The following ITPR1 variants were observed in gnomAD, a reference collection of about 807,000 sequenced individuals.
ITPR1 encodes the protein inositol 1,4,5-trisphosphate receptor type 1, also known as inositol 1,4,5-trisphosphate-gated calcium channel ITPR1.
In ITPR1, 96 loss-of-function variants were observed where a neutral mutation model predicts 318.4. The ratio of observed to expected loss-of-function variants is 0.30; its 90% CI spans 0.26 to 0.36. The LOEUF (loss-of-function observed/expected upper bound fraction) is 0.36. Among genes scored for constraint, ITPR1 ranks in the 10% least tolerant of loss-of-function variants. The pLI is 1.00. For synonymous variants in ITPR1, 1,312 were observed against 1,289.9 expected (o/e 1.02, Z -0.37); for missense variants, 2,440 against 3,460.2 (o/e 0.71, Z 7.40).
chr3:4,768,610 C>T lies in ITPR1; in HGVS notation c.5825C>T (p.Ala1942Val), dbSNP rs762273738. The T allele has an allele frequency of 1.4e-5, 23 of 1,614,030 alleles. No individual in the cohort carries two copies. Among genetic ancestry groups the T allele is most frequent in the East Asian group, 2.2e-5 (1 of 44,882 alleles). The change falls in exon 46 of 62, where the codon GCT becomes GTT. Residue 1942 changes from alanine (A) to valine (V), a missense_variant. Coordinates refer to ENST00000649015, the MANE Select transcript of ITPR1 (RefSeq NM_001378452.1). ...GCCTTCACCACTTTCAGGAGGGAGG[C>T]TGATCCCGACGACCACTACCAGCCT... ...RKAFTTFRRE[A>V]DPDDHYQPGE...
At chr3:4,640,398 A>G (rs2093310001) in intron 6 of ITPR1, among the ~76,000 whole-genome samples, 1 of 152,128 alleles carries the variant, frequency 6.6e-6, no homozygotes, top group Non-Finnish European at 1.5e-5. Context: ...AATCTGCTTG[A>G]AGATTAGATC....
rs6442897 is a variant in ITPR1 at position 4,652,384 on chromosome 3, C to G, written c.951+166C>G. ...CCTTCTGATTCATTTTCCTAGAAGA[C>G]TCAAAAATGATTACCACATTTTGGT... On this transcript the variant is annotated intron_variant, in intron 11 of 61. Transcript: ENST00000649015. 0.81 allele frequency among the ~76,000 whole-genome samples: 123,912 copies of G among 152,214 alleles called. 51,193 individuals carry two copies. Among genetic ancestry groups the G allele is most frequent in the East Asian group, 1 (5,180 of 5,182 alleles).
intron 4 of ITPR1, among the ~76,000 whole-genome samples, chr3:4,582,909 G>T (rs1247040796): frequency 6.6e-6 from 1 of 152,170 alleles, no homozygotes; most frequent in Non-Finnish European, 1.5e-5. Context: ...TGGGCTGGTG[G>T]CACGTTGTCT....
intron 24 of ITPR1, 82 bp from the exon 25 acceptor site, chr3:4,680,471 C>A: frequency 7.9e-7 from 1 of 1,265,180 alleles, no homozygotes; most frequent in African/African-American, 1.5e-5. Flanking sequence ...ATACCAGGCC[C>A]CGCCAGTGTG....
In ITPR1 at chr3:4,800,448, G is replaced by T; in HGVS notation, c.6955G>T (p.Gly2319Ter). The T allele has an allele frequency of 6.2e-7, 1 of 1,613,890 alleles. No individual in the cohort carries two copies. Among genetic ancestry groups the T allele is most frequent in the Non-Finnish European group, 8.5e-7 (1 of 1,179,862 alleles). Residue 2319 changes from glycine to a stop codon, truncating the protein, a stop_gained, in exon 54 of 62, where the codon GGA becomes TGA. Coordinates refer to ENST00000649015, the MANE Select transcript of ITPR1 (RefSeq NM_001378452.1). LOFTEE classifies it high-confidence loss of function. Reference sequence around the variant, plus strand: ...AGGAACCCTGGAGCCCCACTGGTCGGGACTCCTGTGGACAGCCATGCTCAT... The same window carrying T: ...AGGAACCCTGGAGCCCCACTGGTCGTGACTCCTGTGGACAGCCATGCTCAT... ...RGGTLEPHWS[G>*]LLWTAMLISL... is the part of the protein sequence containing the mutation.
Position 4,633,150 on chromosome 3 carries a change from A to G in ITPR1, c.279+5272A>G, listed in dbSNP as rs111229412. 9.6e-3 allele frequency among the ~76,000 whole-genome samples: 1,456 copies of G among 151,880 alleles called. 25 individuals carry two copies. The highest frequency in any genetic ancestry group is 0.033 in the African/African-American group (1,378 of 41,420). ...ACGAGGTTTCACCATTTTGGCCAGG[A>G]TGGTCTCGATCTCCTGAACTCATGA... is the stretch of plus-strand genomic sequence containing the variant. On this transcript the variant is annotated intron_variant, in intron 5 of 61. Coordinates refer to ENST00000649015, the MANE Select transcript of ITPR1 (RefSeq NM_001378452.1).
chr3:4,538,707 T>TA (rs2084109905), intron 4 of ITPR1, among the ~76,000 whole-genome samples: 1 of 152,192 alleles, frequency 6.6e-6, no homozygotes, highest in South Asian at 2.1e-4. Context: ...CATGGAATAC[T>TA]ATGCAGCTAT....
At chr3:4,827,781 G>T (rs776053822) in intron 60 of ITPR1, among the ~76,000 whole-genome samples, 2 of 152,200 alleles carry the variant, frequency 1.3e-5, no homozygotes, top group Non-Finnish European at 2.9e-5. Context: ...CAAGGGGCTG[G>T]TTAGAAAAGG....
intron 60 of ITPR1, among the ~76,000 whole-genome samples, chr3:4,825,080 C>T (rs2049986912): frequency 2.0e-5 from 3 of 152,256 alleles, no homozygotes; most frequent in Non-Finnish European, 4.4e-5. Flanking sequence ...ACTTTAACTC[C>T]CTAATAATTA....
chr3:4,497,519 T>A (rs1286539972), intron 2 of ITPR1, among the ~76,000 whole-genome samples: 1 of 151,984 alleles, frequency 6.6e-6, no homozygotes, highest in African/African-American at 2.4e-5. Flanking sequence ...GTATTAGAGG[T>A]AGTAAAAGCT....
intron 45 of ITPR1, 42 bp from the exon 46 acceptor site, chr3:4,768,469 T>C (rs779690265): frequency 1.3e-6 from 2 of 1,562,456 alleles, no homozygotes; most frequent in African/African-American, 2.7e-5. Context: ...ATAGGGCCCA[T>C]GAGGACTCTG....
rs1298893757 is a variant in ITPR1 at position 4,766,512 on chromosome 3, A to G, written c.5545-18A>G. On this transcript the variant is annotated intron_variant, in intron 44 of 61. Coordinates refer to ENST00000649015, the MANE Select transcript of ITPR1 (RefSeq NM_001378452.1). ...TGGTCAGTTACAGTGTTCACAATCT[A>G]TGGATTTTCCTTTGCAGCACTCCTT... The G allele has an allele frequency of 3.7e-6, 6 of 1,611,600 alleles. No individual in the cohort carries two copies. Among genetic ancestry groups the G allele is most frequent in the African/African-American group, 1.3e-5 (1 of 74,870 alleles).
intron 47 of ITPR1, among the ~76,000 whole-genome samples, chr3:4,776,701 C>G (rs1368678848): frequency 6.6e-6 from 1 of 152,184 alleles, no homozygotes. Context: ...TATTTGACAT[C>G]TAAGTGAATT....
At chr3:4,521,209 T>G (rs1001092273) in intron 4 of ITPR1, 115 bp downstream of exon 4, 1 of 686,286 alleles carries the variant, frequency 1.5e-6, no homozygotes, top group Non-Finnish European at 2.6e-6. Context: ...TTATGTATTT[T>G]TTTCAGAGTA....
chr3:4,617,948 G>T (rs1466538595), intron 4 of ITPR1, among the ~76,000 whole-genome samples: 1 of 146,984 alleles, frequency 6.8e-6, no homozygotes, highest in Non-Finnish European at 1.5e-5. Context: ...TGGTGCCACT[G>T]AACTCCAGCC....
intron 4 of ITPR1, among the ~76,000 whole-genome samples, chr3:4,566,537 G>A (rs2087273011): frequency 6.6e-6 from 1 of 151,608 alleles, no homozygotes; most frequent in African/African-American, 2.4e-5. Context: ...TGAGAGCCAG[G>A]TCAGAGTTGA....
At chr3:4,705,922 C>A (rs1470642184) in intron 36 of ITPR1, among the ~76,000 whole-genome samples, 1 of 152,186 alleles carries the variant, frequency 6.6e-6, no homozygotes, top group Non-Finnish European at 1.5e-5. Flanking sequence ...CATGCCCTGG[C>A]CTTATGACCT....
chr3:4,735,677 T>C (rs912058988), intron 44 of ITPR1: 2 of 285,452 alleles, frequency 7.0e-6, no homozygotes, highest in African/African-American at 4.3e-5. Context: ...GCATGAAGTT[T>C]ATTTACAGTT....
Position 4,662,197 on chromosome 3 carries a change from T to C in ITPR1, c.1367T>C (p.Ile456Thr), listed in dbSNP as rs2093849485. The C allele has an allele frequency of 1.2e-6, 2 of 1,612,410 alleles. No homozygotes were observed. Among genetic ancestry groups the C allele is most frequent in the South Asian group, 2.2e-5 (2 of 90,876 alleles). The change falls in exon 15 of 62, where the codon ATT becomes ACT. Residue 456 changes from isoleucine to threonine, a missense_variant. Coordinates refer to ENST00000649015, the MANE Select transcript of ITPR1 (RefSeq NM_001378452.1). ...GATGCCAGCAAGGTGCTGGGCTCCA[T>C]TGCTGGGAAGCTAGAGAAGGGCACC... Reference protein sequence around the residue: ...ANDASKVLGSIAGKLEKGTIT... With the variant: ...ANDASKVLGSTAGKLEKGTIT...
Sources: allele counts gnomAD v4.1 joint callset (sites outside exome capture counted in the v4.1 genomes callset), GRCh38; gene constraint gnomAD v4.1.1; transcripts MANE v1.5; gene names NCBI Gene and HGNC (gene_info 2026-07-23, HGNC 2026-07-21).